The following LRRC51 variants were observed in gnomAD, a reference collection of about 807,000 sequenced individuals.
LRRC51 encodes leucine rich repeat containing 51, also known as leucine-rich repeat-containing protein 51.
A neutral mutation model predicts 17.8 loss-of-function variants in LRRC51; 8 were observed. That is an observed-to-expected ratio of 0.45 (90% CI 0.26 to 0.81). LRRC51 has a LOEUF of 0.81. LRRC51 is among the 30% of genes least tolerant of loss of function. The pLI is 0.17. For missense variants in LRRC51, 233 were observed against 239.3 expected, an observed-to-expected ratio of 0.97 and a Z score of 0.17; for synonymous variants, 92 against 96.0, an observed-to-expected ratio of 0.96 and a Z score of 0.24.
intron 1 of LRRC51, among the ~76,000 whole-genome samples, chr11:72,082,180 A>T (rs1944260666): frequency 6.6e-6 from 1 of 152,242 alleles, no homozygotes; most frequent in East Asian, 1.9e-4. Context: ...TAATGGGGAA[A>T]AGGAACTAGA....
Position 72,095,569 on chromosome 11 carries a change from G to A in LRRC51, c.*49G>A, listed in dbSNP as rs757817696. The A allele has an allele frequency of 4.4e-6, 7 of 1,596,214 alleles. No individual in the cohort carries two copies. In the South Asian group the frequency reaches 7.9e-5, roughly 18 times the overall value. On this transcript the variant is annotated 3_prime_UTR_variant, in exon 6 of 6. Coordinates refer to ENST00000289488, the MANE Select transcript of LRRC51 (RefSeq NM_145309.6). Reference sequence around the variant, plus strand: ...TAAAGGCCTAAGCATAGACAGCATGGTTTGACAATAAATAATTTGAGCTGT... The same window carrying A: ...TAAAGGCCTAAGCATAGACAGCATGATTTGACAATAAATAATTTGAGCTGT...
intron 1 of LRRC51, among the ~76,000 whole-genome samples, chr11:72,084,526 ATTGT>A (rs1287486493): frequency 6.6e-6 from 1 of 152,218 alleles, no homozygotes. Flanking sequence ...ACAAAGGAAT[ATTGT>A]TTATTTAAAA....
At chr11:72,086,381 A>C in intron 1 of LRRC51, 1 of 701,906 alleles carries the variant, frequency 1.4e-6, no homozygotes, top group South Asian at 1.5e-5. Flanking sequence ...AGCACTCAAC[A>C]AATGTTTGCT....
In LRRC51 at chr11:72,096,033, C is replaced by T. The variant is rs77167617; in HGVS notation, c.*513C>T. 3.0e-5 allele frequency: 6 copies of T among 198,794 alleles called. No homozygotes were observed. The highest frequency in any genetic ancestry group is 6.3e-5 in the Non-Finnish European group (6 of 95,576). 12.3% of individuals were successfully genotyped at this position (198,794 alleles called of 1,614,324 possible). A position where few individuals can be genotyped will look rare whatever the true frequency, so the allele number is the denominator to read the frequency against. Reference sequence around the variant, plus strand: ...AATTTTTTTTTTTGAGACGGAGTCTCGCTCTGTCACCCAGGCTGGAGTGCA... The same window carrying T: ...AATTTTTTTTTTTGAGACGGAGTCTTGCTCTGTCACCCAGGCTGGAGTGCA... On this transcript the variant is annotated 3_prime_UTR_variant, in exon 6 of 6. Coordinates refer to ENST00000289488, the MANE Select transcript of LRRC51 (RefSeq NM_145309.6).
At chr11:72,093,429 T>C (rs1944978766) in intron 3 of LRRC51, 67 bp from the exon 4 acceptor site, 1 of 1,447,596 alleles carries the variant, frequency 6.9e-7, no homozygotes, top group Non-Finnish European at 9.5e-7. Context: ...TTTCCAGCTC[T>C]GTCCCTTCCC....
chr11:72,081,784 C>T (rs2136456986), intron 1 of LRRC51, among the ~76,000 whole-genome samples: 1 of 152,282 alleles, frequency 6.6e-6, no homozygotes, highest in Non-Finnish European at 1.5e-5. Context: ...CAAAGCTCTA[C>T]AGTTAGAGCT....
At chr11:72,093,794 T>A in intron 4 of LRRC51, 93 bp downstream of exon 4, 1 of 1,192,256 alleles carries the variant, frequency 8.4e-7, no homozygotes, top group Non-Finnish European at 1.3e-6. Context: ...ATCAAGGAAG[T>A]AATGAGGCAG....
chr11:72,095,777 A>T lies in LRRC51; in HGVS notation c.*257A>T, dbSNP rs1189161211. ...AACCTCAGCCTCCCAGGTTCAAGAG[A>T]TTCTCCTGCCTCAGCCTCCCCAGTA... On this transcript the variant is annotated 3_prime_UTR_variant, in exon 6 of 6. Transcript: ENST00000289488. 1.2e-6 allele frequency: 1 copy of T among 811,848 alleles called. No homozygotes were observed. The highest frequency in any genetic ancestry group is 1.7e-6 in the Non-Finnish European group (1 of 573,272). The allele number at this position is 811,848 out of a possible 1,614,324, so 50.3% of individuals were successfully genotyped here. A position where few individuals can be genotyped will look rare whatever the true frequency, so the allele number is the denominator to read the frequency against.
intron 1 of LRRC51, among the ~76,000 whole-genome samples, chr11:72,087,401 C>T (rs1276420348): frequency 6.7e-6 from 1 of 148,516 alleles, no homozygotes; most frequent in Non-Finnish European, 1.5e-5. Flanking sequence ...CCTCCAACTT[C>T]TAGGCTCAAG....
chr11:72,095,700 T>C lies in LRRC51; in HGVS notation c.*180T>C. The C allele has an allele frequency of 1.4e-6, 2 of 1,417,444 alleles. No homozygotes were observed. Among genetic ancestry groups the C allele is most frequent in the South Asian group, 1.4e-5 (1 of 71,296 alleles). The allele number at this position is 1,417,444 out of a possible 1,614,324, so 87.8% of individuals were successfully genotyped here. Reference sequence around the variant, plus strand: ...TCTTTTTTTTTTTTTTGAGACGGAGTCTCACTCTGTCACACAGGCTGGAGT... The same window carrying C: ...TCTTTTTTTTTTTTTTGAGACGGAGCCTCACTCTGTCACACAGGCTGGAGT... On this transcript the variant is annotated 3_prime_UTR_variant, in exon 6 of 6. Transcript: ENST00000289488.
intron 1 of LRRC51, among the ~76,000 whole-genome samples, chr11:72,081,106 A>AT (rs952420302): frequency 1.1e-4 from 17 of 152,202 alleles, no homozygotes; most frequent in Admixed American, 1.1e-3. Flanking sequence ...ATATATATCC[A>AT]TACAGATTTG....
At chr11:72,092,413 G>A (rs920104635) in intron 3 of LRRC51, among the ~76,000 whole-genome samples, 1 of 152,164 alleles carries the variant, frequency 6.6e-6, no homozygotes, top group African/African-American at 2.4e-5. Flanking sequence ...AAATTATGTT[G>A]ATTGTAGGGC....
chr11:72,086,429 A>G (rs773297097), intron 1 of LRRC51: 1 of 702,384 alleles, frequency 1.4e-6, no homozygotes, highest in South Asian at 1.5e-5. Context: ...CAAGGTGTGG[A>G]CTGAAACAGC....
chr11:72,082,702 A>G (rs1050878626), intron 1 of LRRC51, among the ~76,000 whole-genome samples: 3 of 152,064 alleles, frequency 2.0e-5, no homozygotes, highest in African/African-American at 7.2e-5. Flanking sequence ...TTTCCCATCT[A>G]TCACTAAGTC....
rs181481386 is a variant in LRRC51, at chr11:72,095,451, C to G, written c.510C>G (p.Thr170=). The change falls in exon 6 of 6, where the codon ACC becomes ACG. Residue 170 remains threonine (T), a synonymous_variant. Coordinates refer to ENST00000289488, the MANE Select transcript of LRRC51 (RefSeq NM_145309.6). ...DFSGVTKADR[T]TAEVWKRMNI... ...GTGGGGTCACCAAAGCAGACCGCAC[C>G]ACAGCTGAAGTCTGGAAACGCATGA... 2.4e-5 allele frequency: 38 copies of G among 1,614,118 alleles called. No homozygotes were observed. Among genetic ancestry groups the G allele is most frequent in the Non-Finnish European group, 3.2e-5 (38 of 1,180,028 alleles).
Position 72,095,538 on chromosome 11 carries a change from T to C in LRRC51, c.*18T>C, listed in dbSNP as rs767488349. 7.4e-6 allele frequency: 12 copies of C among 1,612,184 alleles called. No homozygotes were observed. The highest frequency in any genetic ancestry group is 1.0e-5 in the Non-Finnish European group (12 of 1,179,090). The stretch of plus-strand genomic sequence containing the variant: ...CACTTTGAGGCTCCCACGACCCTAG[T>C]AGTCCTAAAGGCCTAAGCATAGACA... On this transcript the variant is annotated 3_prime_UTR_variant, in exon 6 of 6. Coordinates refer to ENST00000289488, the MANE Select transcript of LRRC51 (RefSeq NM_145309.6).
chr11:72,094,640 A>C (rs1336046440), intron 4 of LRRC51: 12 of 693,210 alleles, frequency 1.7e-5, no homozygotes, highest in Non-Finnish European at 2.9e-5. Flanking sequence ...ATAGAATCGT[A>C]GATCACCAAA....
intron 4 of LRRC51, chr11:72,094,589 T>A (rs1457616784): frequency 4.7e-6 from 3 of 634,878 alleles, no homozygotes; most frequent in Non-Finnish European, 5.6e-6. Flanking sequence ...AAGCTTCTTA[T>A]GTGCCTAGCA....
At chr11:72,090,990 T>G (rs1306208461) in intron 3 of LRRC51, among the ~76,000 whole-genome samples, 2 of 152,208 alleles carry the variant, frequency 1.3e-5, no homozygotes, top group Non-Finnish European at 2.9e-5. Flanking sequence ...GTGGTCCAGC[T>G]TCCAGACCTG....
Sources: gnomAD v4.1 joint callset for allele counts (sites outside exome capture counted in the v4.1 genomes callset) on GRCh38, gnomAD v4.1.1 for gene constraint, MANE v1.5 for transcripts, NCBI Gene and HGNC (gene_info 2026-07-23, HGNC 2026-07-21) for gene names.